The following ABI1 variants were observed in gnomAD, a reference collection of about 807,000 sequenced individuals.
ABI1 encodes abl interactor 1.
ABI1 carries 14 observed loss-of-function variants against 54.6 expected under a neutral mutation model. The ratio of observed to expected loss-of-function variants is 0.26; its 90% CI spans 0.17 to 0.40. The LOEUF is 0.40. ABI1 is among the 10% of genes least tolerant of loss of function. The pLI, the probability that ABI1 is intolerant of heterozygous loss-of-function variation, is 1.00. For missense variants in ABI1, 443 were observed against 598.3 expected (o/e 0.74, Z 2.71); for synonymous variants, 194 against 209.3 (o/e 0.93, Z 0.63).
At position 26,765,326 on chromosome 10, in the gene ABI1, GAAAAA is replaced by G. The variant is rs749204483; in HGVS notation, c.720-13_720-9del. 1.6e-6 allele frequency: 2 copies of G among 1,232,376 alleles called. No homozygotes were observed. The highest frequency in any genetic ancestry group is 2.2e-6 in the Non-Finnish European group (2 of 921,766). 76.3% of individuals were successfully genotyped at this position (1,232,376 alleles called of 1,614,324 possible). A position where few individuals can be genotyped will look rare whatever the true frequency, so the allele number is the denominator to read the frequency against. ...CTTCCTCCACTACTTCCACTGAAAA[GAAAAA>G]AAAAAACTGTGAAAAACCAATTCTA... On this transcript the variant is annotated splice_polypyrimidine_tract_variant and intron_variant, in intron 6 of 10. Coordinates refer to ENST00000376140, the MANE Select transcript of ABI1 (RefSeq NM_001012750.3).
chr10:26,747,109 A>T lies in ABI1; in HGVS notation c.*1461T>A, dbSNP rs1837024794. 4.4e-6 allele frequency: 1 copy of T among 228,784 alleles called. No individual in the cohort carries two copies. Among genetic ancestry groups the T allele is most frequent in the Non-Finnish European group, 8.7e-6 (1 of 115,220 alleles). The allele number at this position is 228,784 out of a possible 1,614,324, so 14.2% of individuals were successfully genotyped here. The stretch of plus-strand genomic sequence containing the variant: ...CAATAATGGTCTTTAATTTTCAGAA[A>T]TAACTGTTTTGCACTAGTCTTACCA... On this transcript the variant is annotated 3_prime_UTR_variant, in exon 11 of 11. Transcript: ENST00000376140.
chr10:26,818,715 C>T (rs979482668), intron 2 of ABI1, among the ~76,000 whole-genome samples: 5 of 150,912 alleles, frequency 3.3e-5, no homozygotes, highest in Non-Finnish European at 5.9e-5. Flanking sequence ...CCAGGCGTGG[C>T]GACTTATACC....
intron 1 of ABI1, among the ~76,000 whole-genome samples, chr10:26,853,234 CA>C (rs35205764): frequency 0.026 from 2,208 of 85,526 alleles, 44 homozygotes; most frequent in African/African-American, 0.1. Flanking sequence ...GACTCCATCT[CA>C]AAAAAAAAAA....
In ABI1 at chr10:26,821,269, A is replaced by C. The variant is rs1588981041; in HGVS notation, c.285+1869T>G. Among the ~76,000 whole-genome samples, 3 of 151,592 alleles carry C rather than the reference A, an allele frequency of 2.0e-5. No individual in the cohort carries two copies. The Middle Eastern group carries it at 0.01, about 516-fold the overall frequency. On this transcript the variant is annotated intron_variant, in intron 2 of 10. Transcript: ENST00000376140. ...AAAAAAAAAAAAAAAAGTATAAAAT[A>C]AGAGCAAATCAATCCCAAGGTAAGG...
intron 3 of ABI1, 27 bp from the exon 4 acceptor site, chr10:26,771,116 A>C: frequency 6.2e-7 from 1 of 1,610,234 alleles, no homozygotes; most frequent in South Asian, 1.1e-5. Context: ...AAAGGGGGGG[A>C]AAAAGTAGAC....
At chr10:26,822,608 A>AT (rs928515915) in intron 2 of ABI1, among the ~76,000 whole-genome samples, 3 of 152,118 alleles carry the variant, frequency 2.0e-5, no homozygotes, top group African/African-American at 7.2e-5. Context: ...CCAAAAAAAA[A>AT]ATTAGTAAAT....
chr10:26,824,193 G>A (rs1367344838), intron 1 of ABI1, among the ~76,000 whole-genome samples: 1 of 152,080 alleles, frequency 6.6e-6, no homozygotes, highest in Non-Finnish European at 1.5e-5. Context: ...TTATAGGAAA[G>A]AAATGCAAGT....
Position 26,801,230 on chromosome 10 carries a change from A to T in ABI1, c.285+21908T>A, listed in dbSNP as rs554002678. 7.9e-5 allele frequency among the ~76,000 whole-genome samples: 12 copies of T among 152,314 alleles called. No individual in the cohort carries two copies. In the East Asian group the frequency reaches 2.1e-3, roughly 27 times the overall value. ...GATGAGCGTAATACGGTGATGCAGT[A>T]AAATGTATTTGTTTCTAGAAAATAC... On this transcript the variant is annotated intron_variant, in intron 2 of 10. Coordinates refer to ENST00000376140, the MANE Select transcript of ABI1 (RefSeq NM_001012750.3).
intron 9 of ABI1, among the ~76,000 whole-genome samples, chr10:26,753,649 C>T (rs1837913504): frequency 6.6e-6 from 1 of 152,170 alleles, no homozygotes; most frequent in Non-Finnish European, 1.5e-5. Flanking sequence ...CATTATCACC[C>T]ACTTTGAGTG....
At chr10:26,832,016 C>A (rs1387019316) in intron 1 of ABI1, among the ~76,000 whole-genome samples, 4 of 152,198 alleles carry the variant, frequency 2.6e-5, no homozygotes, top group Non-Finnish European at 5.9e-5. Context: ...TGGCTTCTAT[C>A]CTATCCTCAA....
intron 2 of ABI1, among the ~76,000 whole-genome samples, chr10:26,816,051 T>A (rs990836104): frequency 1.3e-5 from 2 of 152,208 alleles, no homozygotes; most frequent in African/African-American, 4.8e-5. Flanking sequence ...TGTCTTTGTT[T>A]CAAAGTTTAT....
At chr10:26,797,495 G>A (rs559482406) in intron 2 of ABI1, among the ~76,000 whole-genome samples, 84 of 152,292 alleles carry the variant, frequency 5.5e-4, no homozygotes, top group African/African-American at 1.8e-3. Flanking sequence ...ATCACAGGGA[G>A]GAAGGGAGGG....
In ABI1 at chr10:26,816,260, G is replaced by A. The variant is rs191968677; in HGVS notation, c.285+6878C>T. Among the ~76,000 whole-genome samples, 17 of 152,310 alleles carry A rather than the reference G, an allele frequency of 1.1e-4. No homozygotes were observed. In the South Asian group the frequency reaches 2.1e-3, roughly 19 times the overall value. ...ATAATGCTAGATAGAGGTGAAATTC[G>A]AATTGAATGTAAATGGGATTAAAAC... On this transcript the variant is annotated intron_variant, in intron 2 of 10. Coordinates refer to ENST00000376140, the MANE Select transcript of ABI1 (RefSeq NM_001012750.3).
intron 1 of ABI1, among the ~76,000 whole-genome samples, chr10:26,827,145 C>T (rs529432102): frequency 3.2e-4 from 48 of 152,174 alleles, no homozygotes; most frequent in African/African-American, 1.1e-3. Context: ...GATCTCCTGA[C>T]CTCATGATCC....
At chr10:26,764,929 C>G (rs1318016454) in intron 7 of ABI1, among the ~76,000 whole-genome samples, 2 of 152,148 alleles carry the variant, frequency 1.3e-5, no homozygotes, top group African/African-American at 4.8e-5. Context: ...ACCAATCCCC[C>G]ATGGACACTG....
intron 2 of ABI1, among the ~76,000 whole-genome samples, chr10:26,784,166 C>G (rs1349305011): frequency 6.6e-6 from 1 of 152,196 alleles, no homozygotes; most frequent in Non-Finnish European, 1.5e-5. Context: ...TAACTGACAA[C>G]TGGGTCTGCC....
At chr10:26,762,611 C>T (rs1839385934) in intron 7 of ABI1, among the ~76,000 whole-genome samples, 1 of 152,100 alleles carries the variant, frequency 6.6e-6, no homozygotes, top group East Asian at 1.9e-4. Flanking sequence ...CATATGAATA[C>T]ACAAGTACAC....
intron 1 of ABI1, among the ~76,000 whole-genome samples, chr10:26,858,385 G>A (rs772179555): frequency 6.6e-6 from 1 of 151,380 alleles, no homozygotes; most frequent in East Asian, 1.9e-4. Context: ...GCAACTAGTG[G>A]CCTGGATCAT....
intron 1 of ABI1, among the ~76,000 whole-genome samples, chr10:26,824,015 TTA>T: frequency 6.6e-6 from 1 of 152,144 alleles, no homozygotes; most frequent in East Asian, 1.9e-4. Flanking sequence ...GGAAAATCAT[TTA>T]TTTCTCCAGG....
Sources: gnomAD v4.1 joint callset for allele counts (sites outside exome capture counted in the v4.1 genomes callset) on GRCh38, gnomAD v4.1.1 for gene constraint, MANE v1.5 for transcripts, NCBI Gene and HGNC (gene_info 2026-07-23, HGNC 2026-07-21) for gene names.